The following BCL2A1 variants were observed in gnomAD, a reference collection of about 807,000 sequenced individuals.
The protein encoded by BCL2A1 is bcl-2-related protein A1.
BCL2A1 carries 10 observed loss-of-function variants against 14.4 expected under a neutral mutation model. The ratio of observed to expected loss-of-function variants is 0.69; its 90% CI spans 0.43 to 1.18. BCL2A1 has a LOEUF of 1.18. BCL2A1 is among the 50% of genes most tolerant of loss of function. The pLI, the probability that BCL2A1 is intolerant of heterozygous loss-of-function variation, is 0.00. For missense variants in BCL2A1, 158 were observed against 205.0 expected, an observed-to-expected ratio of 0.77 and a Z score of 1.40; for synonymous variants, 71 against 76.5, an observed-to-expected ratio of 0.93 and a Z score of 0.38.
At chr15:79,962,522 C>T (rs930281919) in intron 1 of BCL2A1, among the ~76,000 whole-genome samples, 5 of 152,060 alleles carry the variant, frequency 3.3e-5, no homozygotes, top group Non-Finnish European at 5.9e-5. Flanking sequence ...CCCCATGTTT[C>T]GCAAGTATAA....
At chr15:79,965,248 C>A (rs1487392145) in intron 1 of BCL2A1, among the ~76,000 whole-genome samples, 1 of 152,174 alleles carries the variant, frequency 6.6e-6, no homozygotes, top group Admixed American at 6.5e-5. Context: ...CTGCCTCAGC[C>A]TACCAAGTAG....
chr15:79,965,487 G>A (rs1053172577), intron 1 of BCL2A1, among the ~76,000 whole-genome samples: 7 of 152,110 alleles, frequency 4.6e-5, no homozygotes, highest in Non-Finnish European at 1.0e-4. Flanking sequence ...AGCAGATAAA[G>A]GATGGAACCA....
At chr15:79,970,242 A>G (rs1167316747) in intron 1 of BCL2A1, among the ~76,000 whole-genome samples, 3 of 152,146 alleles carry the variant, frequency 2.0e-5, no homozygotes, top group African/African-American at 7.2e-5. Flanking sequence ...GTAAGCGATG[A>G]ACTTACAAAA....
chr15:79,969,562 A>C (rs2035575603), intron 1 of BCL2A1, among the ~76,000 whole-genome samples: 1 of 152,200 alleles, frequency 6.6e-6, no homozygotes, highest in Non-Finnish European at 1.5e-5. Context: ...TGGGTAAAAA[A>C]ATAAGTGGCA....
chr15:79,962,053 T>A (rs536398729), intron 1 of BCL2A1, among the ~76,000 whole-genome samples: 2 of 152,272 alleles, frequency 1.3e-5, no homozygotes, highest in East Asian at 3.9e-4. Context: ...GCCAAAAGAA[T>A]TAGAAAATTG....
Position 79,961,108 on chromosome 15 carries a change from T to A in BCL2A1, c.487A>T (p.Lys163Ter). The change falls in exon 2 of 2, where the codon AAG becomes TAG. Residue 163 changes from lysine (K) to a stop codon, truncating the protein, a stop_gained. Coordinates refer to ENST00000267953, the MANE Select transcript of BCL2A1 (RefSeq NM_004049.4). LOFTEE classifies it high-confidence loss of function. The stretch of plus-strand genomic sequence containing the variant: ...AGGAGAGATAGCATTTCACAGATCT[T>A]TCCTGTAACTTCTAGAAAAGTCATC... ...GWMTFLEVTGKICEMLSLLKQ... is the reference protein window; with the variant it reads ...GWMTFLEVTG 1 of 1,614,158 alleles carries A rather than the reference T, an allele frequency of 6.2e-7. No homozygotes were observed. Among genetic ancestry groups the A allele is most frequent in the Non-Finnish European group, 8.5e-7 (1 of 1,180,006 alleles).
At chr15:79,964,916 G>C (rs952977583) in intron 1 of BCL2A1, among the ~76,000 whole-genome samples, 33 of 152,122 alleles carry the variant, frequency 2.2e-4, no homozygotes, top group African/African-American at 8.0e-4. Context: ...CAAGTGCAAA[G>C]GCCTTGAGGG....
At chr15:79,970,314 T>C (rs79451754) in intron 1 of BCL2A1, among the ~76,000 whole-genome samples, 1,532 of 152,306 alleles carry the variant, frequency 0.01, 14 homozygotes, top group African/African-American at 0.03. Flanking sequence ...ATAGCAACTT[T>C]CTGTGCTGAT....
chr15:79,965,190 C>T (rs1209989325), intron 1 of BCL2A1, among the ~76,000 whole-genome samples: 2 of 152,098 alleles, frequency 1.3e-5, no homozygotes, highest in Admixed American at 6.6e-5. Flanking sequence ...TGCAGTGGCA[C>T]GATCTCACCT....
intron 1 of BCL2A1, chr15:79,967,500 G>GC: frequency 1.1e-6 from 1 of 933,358 alleles, no homozygotes; most frequent in Non-Finnish European, 1.6e-6. Flanking sequence ...ACAGGCATGA[G>GC]CCACTGCACC....
intron 1 of BCL2A1, among the ~76,000 whole-genome samples, chr15:79,964,821 C>A (rs1050557529): frequency 6.6e-6 from 1 of 152,214 alleles, no homozygotes; most frequent in Admixed American, 6.5e-5. Flanking sequence ...TCTGAGGAGG[C>A]AACCTTGGAA....
intron 1 of BCL2A1, among the ~76,000 whole-genome samples, chr15:79,962,462 C>A (rs927801209): frequency 2.0e-5 from 3 of 152,172 alleles, no homozygotes; most frequent in Non-Finnish European, 2.9e-5. Context: ...TTCCTATACA[C>A]TCTCAAGAGG....
rs1335095365 is a variant in BCL2A1, at chr15:79,971,144, C to T, written c.-25G>A. ...TCTTCTGCCTGGTGGAGAGCAAAGT[C>T]TTGAGCTGGCTCACCTTGAAGCTGT... On this transcript the variant is annotated 5_prime_UTR_variant, in exon 1 of 2. Coordinates refer to ENST00000267953, the MANE Select transcript of BCL2A1 (RefSeq NM_004049.4). The T allele has an allele frequency of 8.1e-6, 13 of 1,602,562 alleles. No individual in the cohort carries two copies. The highest frequency in any genetic ancestry group is 1.0e-5 in the Non-Finnish European group (12 of 1,173,108).
intron 1 of BCL2A1, among the ~76,000 whole-genome samples, chr15:79,966,576 TC>T (rs2035543548): frequency 6.6e-6 from 1 of 152,162 alleles, no homozygotes; most frequent in African/African-American, 2.4e-5. Flanking sequence ...GGAAGGGTGA[TC>T]CCAAGAGAAG....
At chr15:79,967,458 C>T (rs1260959209) in intron 1 of BCL2A1, among the ~76,000 whole-genome samples, 1 of 152,120 alleles carries the variant, frequency 6.6e-6, no homozygotes, top group African/African-American at 2.4e-5. Flanking sequence ...TCAGGTAATC[C>T]ACCCACCTCA....
At position 79,970,807 on chromosome 15, in the gene BCL2A1, G is replaced by T. The variant is rs770572475; in HGVS notation, c.313C>A (p.Arg105=). Residue 105 remains arginine, a synonymous_variant, in exon 1 of 2, where the codon CGA becomes AGA. Coordinates refer to ENST00000267953, the MANE Select transcript of BCL2A1 (RefSeq NM_004049.4). Reference sequence around the variant, plus strand: ...TCCACATCCGGGGCAATTTGCTGTCGTAGAAGTTTCTTGATGAGAATACCT... The same window carrying T: ...TCCACATCCGGGGCAATTTGCTGTCTTAGAAGTTTCTTGATGAGAATACCT... The part of the protein sequence containing the change: ...FEGILIKKLL[R]QQIAPDVDTY... 8 of 1,614,168 alleles carry T rather than the reference G, an allele frequency of 5.0e-6. No homozygotes were observed. The highest frequency in any genetic ancestry group is 6.8e-6 in the Non-Finnish European group (8 of 1,180,022).
chr15:79,967,481 G>A (rs780785600), intron 1 of BCL2A1, among the ~76,000 whole-genome samples: 8 of 152,180 alleles, frequency 5.3e-5, no homozygotes, highest in East Asian at 3.9e-4. Flanking sequence ...CTCCCAAAGC[G>A]CTGGGATTAC....
intron 1 of BCL2A1, among the ~76,000 whole-genome samples, chr15:79,968,213 T>C (rs61648607): frequency 6.6e-6 from 1 of 152,190 alleles, no homozygotes; most frequent in Non-Finnish European, 1.5e-5. Context: ...ATGCTAAGCG[T>C]TGGAAATACA....
chr15:79,967,588 G>A, intron 1 of BCL2A1: 1 of 1,556,908 alleles, frequency 6.4e-7, no homozygotes. Flanking sequence ...ATTATAGATT[G>A]TATGTGCTCA....
Sources: allele counts gnomAD v4.1 joint callset (sites outside exome capture counted in the v4.1 genomes callset), GRCh38; gene constraint gnomAD v4.1.1; transcripts MANE v1.5; gene names NCBI Gene and HGNC (gene_info 2026-07-23, HGNC 2026-07-21).